SNX6: variants seen among roughly 807,000 people sequenced by gnomAD.
SNX6 encodes the protein sorting nexin-6.
In SNX6, 34 loss-of-function variants were observed where a neutral mutation model predicts 63.0. That is an observed-to-expected ratio of 0.54 (90% CI 0.41 to 0.72). SNX6 has a LOEUF of 0.72. Among genes scored for constraint, SNX6 ranks in the 30% least tolerant of loss-of-function variants. The pLI is 0.00. For missense variants in SNX6, 398 were observed against 471.4 expected, an observed-to-expected ratio of 0.84 and a Z score of 1.44; for synonymous variants, 170 against 164.2, an observed-to-expected ratio of 1.04 and a Z score of -0.27.
At chr14:34,580,178 T>A (rs908804544) in intron 10 of SNX6, among the ~76,000 whole-genome samples, 3 of 152,126 alleles carry the variant, frequency 2.0e-5, no homozygotes, top group African/African-American at 7.2e-5. Context: ...AGAGCAAGAC[T>A]CCGTCTCAAA....
In SNX6 at chr14:34,567,051, CT is replaced by C. The variant is rs765652016; in HGVS notation, c.1167+634del. Among the ~76,000 whole-genome samples the C allele has an allele frequency of 2.0e-5, 3 of 151,762 alleles. No homozygotes were observed. The East Asian group carries it at 5.8e-4, about 29-fold the overall frequency. The stretch of plus-strand genomic sequence containing the variant: ...CAGTCTGGCTAACATGGTGAAAACC[CT>C]GTCTCTACTAAAAATACAAAAATTA... On this transcript the variant is annotated intron_variant, in intron 13 of 13. Coordinates refer to ENST00000362031, the MANE Select transcript of SNX6 (RefSeq NM_152233.4).
intron 9 of SNX6, among the ~76,000 whole-genome samples, chr14:34,585,837 G>A (rs1033242139): frequency 4.0e-5 from 6 of 151,790 alleles, no homozygotes; most frequent in Non-Finnish European, 7.4e-5. Context: ...CCGGACCTCA[G>A]GTTTTCCACC....
At chr14:34,628,297 A>G (rs907153736) in intron 2 of SNX6, among the ~76,000 whole-genome samples, 9 of 152,016 alleles carry the variant, frequency 5.9e-5, no homozygotes, top group African/African-American at 2.2e-4. Flanking sequence ...GTCTCTACTA[A>G]AAATACAAAA....
intron 2 of SNX6, among the ~76,000 whole-genome samples, chr14:34,623,351 A>G (rs1490538467): frequency 6.6e-6 from 1 of 152,114 alleles, no homozygotes; most frequent in Non-Finnish European, 1.5e-5. Flanking sequence ...GTAGACTAGA[A>G]TATGGGGGAG....
chr14:34,576,400 G>A (rs1038160661), intron 10 of SNX6, among the ~76,000 whole-genome samples: 1 of 149,674 alleles, frequency 6.7e-6, no homozygotes, highest in Non-Finnish European at 1.5e-5. Flanking sequence ...ACAGAAAAAA[G>A]ATCAAATGAG....
At chr14:34,613,749 C>T (rs572360865) in intron 2 of SNX6, among the ~76,000 whole-genome samples, 11 of 151,888 alleles carry the variant, frequency 7.2e-5, no homozygotes, top group South Asian at 2.1e-4. Context: ...GCCAAGATAG[C>T]GCCACTGCAC....
chr14:34,569,171 T>C (rs1263763106), intron 11 of SNX6: 18 of 742,254 alleles, frequency 2.4e-5, no homozygotes, highest in Non-Finnish European at 4.4e-5. Flanking sequence ...GGGAAAGGGC[T>C]CAGTCCGTTT....
rs202163988 is a variant in SNX6 at position 34,589,660 on chromosome 14, T to TA, written c.719-3356dup. 4.8e-3 allele frequency among the ~76,000 whole-genome samples: 720 copies of TA among 150,236 alleles called. 4 individuals are homozygous for TA. The highest frequency in any genetic ancestry group is 0.017 in the African/African-American group (677 of 40,918). ...GGGCAATATGGCAAAACCCCATCTC[T>TA]AAAAAAAAATACAAAAGATAGCCAG... On this transcript the variant is annotated intron_variant, in intron 8 of 13. Transcript: ENST00000362031.
intron 8 of SNX6, among the ~76,000 whole-genome samples, chr14:34,587,558 A>G (rs1397159927): frequency 6.9e-6 from 1 of 145,964 alleles, no homozygotes; most frequent in Non-Finnish European, 1.5e-5. Context: ...AAAAAAAAAA[A>G]AAGGGCATCT....
At chr14:34,617,649 C>T (rs560393481) in intron 2 of SNX6, among the ~76,000 whole-genome samples, 54 of 148,494 alleles carry the variant, frequency 3.6e-4, no homozygotes, top group African/African-American at 1.1e-3. Flanking sequence ...GGACCAGGCG[C>T]GGTGGCTCAC....
chr14:34,620,262 A>T (rs1301278735), intron 2 of SNX6, among the ~76,000 whole-genome samples: 1 of 152,154 alleles, frequency 6.6e-6, no homozygotes, highest in Non-Finnish European at 1.5e-5. Flanking sequence ...AGCCCAGAGA[A>T]ATAAATGCCA....
intron 11 of SNX6, among the ~76,000 whole-genome samples, chr14:34,571,949 C>A (rs1051230961): frequency 1.3e-5 from 2 of 152,090 alleles, no homozygotes; most frequent in Admixed American, 6.6e-5. Context: ...GGCTTGGCCT[C>A]CCAAAGGATA....
chr14:34,629,140 C>A (rs28454795), intron 2 of SNX6, among the ~76,000 whole-genome samples: 108,169 of 149,784 alleles, frequency 0.72, 40,209 homozygotes, highest in African/African-American at 0.92. Flanking sequence ...TGTTCTCACA[C>A]AAAAAAAAAT....
intron 8 of SNX6, 53 bp downstream of exon 8, chr14:34,592,992 C>G (rs1023063587): frequency 8.0e-7 from 1 of 1,247,644 alleles, no homozygotes. Flanking sequence ...ATAATATGAA[C>G]TTTATAATTA....
intron 2 of SNX6, among the ~76,000 whole-genome samples, chr14:34,622,308 C>A (rs1883654734): frequency 6.7e-6 from 1 of 149,746 alleles, no homozygotes; most frequent in East Asian, 2.1e-4. Context: ...TGGCCGGGCA[C>A]GGTGGCTCAT....
intron 10 of SNX6, among the ~76,000 whole-genome samples, chr14:34,576,412 C>T (rs2138280255): frequency 7.6e-6 from 1 of 131,446 alleles, no homozygotes; most frequent in Non-Finnish European, 1.6e-5. Context: ...TCAAATGAGA[C>T]TCGTGAGTTT....
chr14:34,593,005 C>T (rs1289646589), intron 8 of SNX6, 40 bp downstream of exon 8: 1 of 1,286,384 alleles, frequency 7.8e-7, no homozygotes, highest in Non-Finnish European at 1.1e-6. Flanking sequence ...TATAATTATT[C>T]CATTAAAAGA....
rs34301884 is a variant in SNX6, at chr14:34,605,226, G to GA, written c.392+369dup. 1.0e-2 allele frequency among the ~76,000 whole-genome samples: 1,420 copies of GA among 142,502 alleles called. 22 individuals carry two copies. The highest frequency in any genetic ancestry group is 0.041 in the South Asian group (186 of 4,524). 93.5% of individuals were successfully genotyped at this position (142,502 alleles called of 152,430 possible). On this transcript the variant is annotated intron_variant, in intron 5 of 13. Coordinates refer to ENST00000362031, the MANE Select transcript of SNX6 (RefSeq NM_152233.4). ...GGTAGTGACTAAGGCTTTGTAAATAGAAAAAAAAAAACAATGACTATTCTA... is the reference window on the plus strand; with the variant it reads ...GGTAGTGACTAAGGCTTTGTAAATAGAAAAAAAAAAAACAATGACTATTCTA...
At chr14:34,579,178 A>G (rs1461609461) in intron 10 of SNX6, among the ~76,000 whole-genome samples, 1 of 152,026 alleles carries the variant, frequency 6.6e-6, no homozygotes, top group Non-Finnish European at 1.5e-5. Context: ...TCCTAGTTAT[A>G]TATACCCAAC....
Sources: allele counts gnomAD v4.1 joint callset (sites outside exome capture counted in the v4.1 genomes callset), GRCh38; gene constraint gnomAD v4.1.1; transcripts MANE v1.5; gene names NCBI Gene and HGNC (gene_info 2026-07-23, HGNC 2026-07-21).